EYA1: variants seen among roughly 807,000 people sequenced by gnomAD.
EYA1 encodes EYA transcriptional coactivator and phosphatase 1.
Under a neutral mutation model 82.0 loss-of-function variants are expected in EYA1, and 16 were observed. The observed-to-expected ratio is 0.20, with a 90% confidence interval of 0.13 to 0.30. The LOEUF (loss-of-function observed/expected upper bound fraction) is 0.30. Ranked by LOEUF, EYA1 falls within the 10% of genes least tolerant of loss-of-function variation. The probability of loss-of-function intolerance (pLI) is 1.00; values close to 1 mark genes in which losing one functional copy is unlikely to be tolerated. For synonymous variants in EYA1, 261 were observed against 264.4 expected, an observed-to-expected ratio of 0.99 and a Z score of 0.12; for missense variants, 633 against 730.7, an observed-to-expected ratio of 0.87 and a Z score of 1.54.
At chr8:71,545,598 G>C in intron 1 of EYA1, among the ~76,000 whole-genome samples, 1 of 114,060 alleles carries the variant, frequency 8.8e-6, no homozygotes, top group Admixed American at 1.3e-4. Context: ...GTCTCGCTCT[G>C]TCGCCCAGGC....
chr8:71,346,852 T>C (rs975359971), intron 3 of EYA1, among the ~76,000 whole-genome samples: 1 of 152,200 alleles, frequency 6.6e-6, no homozygotes, highest in African/African-American at 2.4e-5. Context: ...GTAAACTTAA[T>C]GAATGCTCTT....
intron 2 of EYA1, among the ~76,000 whole-genome samples, chr8:71,518,365 A>G (rs934117471): frequency 6.6e-6 from 1 of 152,118 alleles, no homozygotes; most frequent in Non-Finnish European, 1.5e-5. Flanking sequence ...TCCAACGTCT[A>G]TTTCTCCAAC....
intron 2 of EYA1, among the ~76,000 whole-genome samples, chr8:71,529,066 T>G (rs1210569905): frequency 1.3e-5 from 2 of 152,220 alleles, no homozygotes; most frequent in African/African-American, 4.8e-5. Context: ...TTATCTCTAC[T>G]GGTAAAAAAC....
At chr8:71,430,375 C>A (rs1805530942) in intron 2 of EYA1, among the ~76,000 whole-genome samples, 1 of 152,142 alleles carries the variant, frequency 6.6e-6, no homozygotes, top group Admixed American at 6.5e-5. Flanking sequence ...CAGTCAGTGG[C>A]AGAGCTGACA....
At chr8:71,518,123 G>C (rs1214621646) in intron 2 of EYA1, among the ~76,000 whole-genome samples, 1 of 151,838 alleles carries the variant, frequency 6.6e-6, no homozygotes, top group Non-Finnish European at 1.5e-5. Flanking sequence ...TCAATGCATT[G>C]TACAATCATA....
At chr8:71,243,984 A>G (rs1812782234) in intron 12 of EYA1, among the ~76,000 whole-genome samples, 1 of 152,218 alleles carries the variant, frequency 6.6e-6, no homozygotes, top group African/African-American at 2.4e-5. Context: ...CATAATGGAG[A>G]TATGAAAAAC....
intron 2 of EYA1, among the ~76,000 whole-genome samples, chr8:71,473,101 C>T (rs1273148440): frequency 1.3e-5 from 2 of 151,572 alleles, no homozygotes; most frequent in Non-Finnish European, 2.9e-5. Context: ...CTTGTAAGAA[C>T]ATAAAAGAGG....
Position 71,198,363 on chromosome 8 carries a change from T to A in EYA1, c.*977A>T, listed in dbSNP as rs1478402825. On this transcript the variant is annotated 3_prime_UTR_variant, in exon 18 of 18. Coordinates refer to ENST00000340726, the MANE Select transcript of EYA1 (RefSeq NM_000503.6). ...TCATCAAGGCCCTCAGAAGAACTGA[T>A]GCAGGAAAAAATTTTAGAAAACAAA... 1 of 152,508 alleles carries A rather than the reference T, an allele frequency of 6.6e-6. No individual in the cohort carries two copies. Among genetic ancestry groups the A allele is most frequent in the Non-Finnish European group, 1.5e-5 (1 of 68,014 alleles). The allele number at this position is 152,508 out of a possible 1,614,324, so 9.4% of individuals were successfully genotyped here. A position where few individuals can be genotyped will look rare whatever the true frequency, so the allele number is the denominator to read the frequency against.
chr8:71,285,061 G>T (rs1305988625), intron 9 of EYA1, among the ~76,000 whole-genome samples: 1 of 152,172 alleles, frequency 6.6e-6, no homozygotes, highest in African/African-American at 2.4e-5. Flanking sequence ...GAACCCAATG[G>T]TACTTTGAAA....
chr8:71,199,665 C>T (rs898951744), intron 17 of EYA1, among the ~76,000 whole-genome samples: 9 of 151,676 alleles, frequency 5.9e-5, no homozygotes, highest in African/African-American at 2.2e-4. Context: ...TATTTCCTAA[C>T]TGGATCTACA....
chr8:71,499,202 C>A lies in EYA1; in HGVS notation c.33+36542G>T, dbSNP rs528422063. On this transcript the variant is annotated intron_variant, in intron 2 of 18. Transcript: ENST00000643681. ...TCCAGAGGAAAGTAGACTTGAGTCACCTCTCACTGCTAGAGTCAGACCCTC... is the reference window on the plus strand; with the variant it reads ...TCCAGAGGAAAGTAGACTTGAGTCAACTCTCACTGCTAGAGTCAGACCCTC... Among the ~76,000 whole-genome samples, 177 of 152,302 alleles carry A rather than the reference C, an allele frequency of 1.2e-3. 1 individual carries two copies. Among genetic ancestry groups the A allele is most frequent in the Non-Finnish European group, 2.2e-3 (152 of 68,030 alleles).
chr8:71,245,154 G>A (rs750825223), intron 11 of EYA1, among the ~76,000 whole-genome samples: 18 of 152,058 alleles, frequency 1.2e-4, no homozygotes, highest in Admixed American at 2.0e-4. Flanking sequence ...TGCAGGCTGC[G>A]TGCAGCCCAG....
At chr8:71,312,104 G>A (rs549981706) in intron 7 of EYA1, among the ~76,000 whole-genome samples, 118 of 152,346 alleles carry the variant, frequency 7.7e-4, no homozygotes, top group African/African-American at 2.7e-3. Context: ...AGCACTGACA[G>A]TGCTCAGAAA....
chr8:71,433,362 T>C (rs939745868), intron 2 of EYA1, among the ~76,000 whole-genome samples: 6 of 152,222 alleles, frequency 3.9e-5, no homozygotes, highest in Non-Finnish European at 5.9e-5. Flanking sequence ...TTACTAAAGA[T>C]AATCATATAC....
chr8:71,525,101 T>C (rs1554602385), intron 2 of EYA1, among the ~76,000 whole-genome samples: 2 of 152,202 alleles, frequency 1.3e-5, no homozygotes. Context: ...ATTTTAGAGA[T>C]GAAGATGGGG....
chr8:71,501,702 G>T (rs75163550), intron 2 of EYA1, among the ~76,000 whole-genome samples: 7,302 of 152,238 alleles, frequency 0.048, 585 homozygotes, highest in African/African-American at 0.16. Context: ...TAGCAATCCT[G>T]CCTCGGCTAC....
chr8:71,254,210 C>G (rs1814101703), intron 11 of EYA1, among the ~76,000 whole-genome samples: 1 of 125,174 alleles, frequency 8.0e-6, no homozygotes, highest in South Asian at 2.5e-4. Flanking sequence ...CAACTAGATG[C>G]TCAAGGATAT....
chr8:71,275,216 T>C (rs9298165), intron 9 of EYA1, among the ~76,000 whole-genome samples: 41,143 of 151,924 alleles, frequency 0.27, 5,634 homozygotes, highest in Admixed American at 0.3. Context: ...AGATCTGAAG[T>C]GTCATTAGGA....
chr8:71,286,003 G>T (rs1818327775), intron 9 of EYA1, among the ~76,000 whole-genome samples: 2 of 152,168 alleles, frequency 1.3e-5, no homozygotes, highest in Non-Finnish European at 2.9e-5. Flanking sequence ...GAAGAATGTG[G>T]ATCAGAAGGG....
Sources: allele counts gnomAD v4.1 joint callset (sites outside exome capture counted in the v4.1 genomes callset), GRCh38; gene constraint gnomAD v4.1.1; transcripts MANE v1.5; gene names NCBI Gene and HGNC (gene_info 2026-07-23, HGNC 2026-07-21).